Variants in FMN2 observed in about 807,000 individuals in gnomAD.
FMN2 encodes formin-2.
In FMN2, 51 loss-of-function variants were observed where a neutral mutation model predicts 142.3. That is an observed-to-expected ratio of 0.36 (90% CI 0.29 to 0.45). The LOEUF (loss-of-function observed/expected upper bound fraction) is 0.45, where lower values mean the gene tolerates loss of function less well. FMN2 is among the 20% of genes least tolerant of loss of function. The pLI, the probability that FMN2 is intolerant of heterozygous loss-of-function variation, is 1.00. For missense variants in FMN2, 1,936 were observed against 2,122.8 expected (o/e 0.91, Z 1.73); for synonymous variants, 882 against 869.8 (o/e 1.01, Z -0.25).
chr1:240,317,942 G>A (rs1670847626), intron 8 of FMN2, among the ~76,000 whole-genome samples: 1 of 152,170 alleles, frequency 6.6e-6, no homozygotes, highest in Admixed American at 6.5e-5. Flanking sequence ...CAATAGATTT[G>A]TAGTGATAGT....
chr1:240,092,223 G>A lies in FMN2; in HGVS notation c.114G>A (p.Gly38=). The A allele has an allele frequency of 6.3e-7, 1 of 1,581,628 alleles. No individual in the cohort carries two copies. Among genetic ancestry groups the A allele is most frequent in the Non-Finnish European group, 8.6e-7 (1 of 1,164,488 alleles). Residue 38 remains glycine, a synonymous_variant, in exon 1 of 18, where the codon GGG becomes GGA. Coordinates refer to ENST00000319653, the MANE Select transcript of FMN2 (RefSeq NM_020066.5). ...GGGATGTGGAAGCCACAAAGAAGGGGAGCGGGGGCAAGAAGGCGCTAGGCA... is the reference window on the plus strand; with the variant it reads ...GGGATGTGGAAGCCACAAAGAAGGGAAGCGGGGGCAAGAAGGCGCTAGGCA... ...GPRDVEATKK[G]SGGKKALGKH... is the part of the protein sequence containing the mutation.
intron 16 of FMN2, among the ~76,000 whole-genome samples, chr1:240,466,247 C>T (rs1676617011): frequency 6.6e-6 from 1 of 152,118 alleles, no homozygotes; most frequent in African/African-American, 2.4e-5. Context: ...GTCTAATTTT[C>T]CTAGACTCAA....
Position 240,112,434 on chromosome 1 carries a change from C to T in FMN2, c.1616-10745C>T, listed in dbSNP as rs554444473. On this transcript the variant is annotated intron_variant, in intron 1 of 17. Coordinates refer to ENST00000319653, the MANE Select transcript of FMN2 (RefSeq NM_020066.5). The stretch of plus-strand genomic sequence containing the variant: ...CGTGAGCCACTGCATCTGGACAGGC[C>T]TGCATTTTCTAGTTCAGAAAATGAT... Among the ~76,000 whole-genome samples, 12 of 152,174 alleles carry T rather than the reference C, an allele frequency of 7.9e-5. No homozygotes were observed. In the South Asian group the frequency reaches 2.5e-3, roughly 32 times the overall value.
chr1:240,227,252 A>AGTGCAGGAT lies in FMN2; in HGVS notation c.4065+16017_4065+16018insGTGCAGGAT, dbSNP rs575778776. Among the ~76,000 whole-genome samples, 410 of 152,306 alleles carry AGTGCAGGAT rather than the reference A, an allele frequency of 2.7e-3. 2 individuals are homozygous for AGTGCAGGAT. The South Asian group carries it at 0.027, about 10-fold the overall frequency. On this transcript the variant is annotated intron_variant, in intron 6 of 17. Coordinates refer to ENST00000319653, the MANE Select transcript of FMN2 (RefSeq NM_020066.5). ...ACTGAAGTATGGATTTTAAAAAAGAATTTTACACTGAATCTAGAAAGCATT... is the reference window on the plus strand; with the variant it reads ...ACTGAAGTATGGATTTTAAAAAAGAAGTGCAGGATTTTTACACTGAATCTAGAAAGCATT...
At chr1:240,182,699 G>A (rs1024490524) in intron 3 of FMN2, among the ~76,000 whole-genome samples, 3 of 152,238 alleles carry the variant, frequency 2.0e-5, no homozygotes, top group African/African-American at 7.2e-5. Flanking sequence ...CAAGTGAAAT[G>A]TATCTCATAA....
intron 6 of FMN2, among the ~76,000 whole-genome samples, chr1:240,215,062 C>T (rs1666842117): frequency 6.6e-6 from 1 of 151,778 alleles, no homozygotes; most frequent in Non-Finnish European, 1.5e-5. Context: ...TTAAGACCCT[C>T]TCTCAGGGAA....
intron 2 of FMN2, among the ~76,000 whole-genome samples, chr1:240,154,997 C>A (rs183129245): frequency 3.3e-5 from 5 of 151,448 alleles, no homozygotes; most frequent in Non-Finnish European, 5.9e-5. Context: ...AGCAATCCCC[C>A]CCCCGACCTT....
chr1:240,274,924 C>A (rs1289845097), intron 7 of FMN2, among the ~76,000 whole-genome samples: 1 of 152,018 alleles, frequency 6.6e-6, no homozygotes, highest in Admixed American at 6.5e-5. Context: ...ATCAGCAATT[C>A]CAGGTCAGAC....
intron 14 of FMN2, among the ~76,000 whole-genome samples, chr1:240,356,478 A>G (rs887562505): frequency 1.3e-5 from 2 of 152,164 alleles, no homozygotes; most frequent in African/African-American, 4.8e-5. Flanking sequence ...CTGCATTTCT[A>G]GGAGATAGGC....
At chr1:240,214,326 C>T (rs1163275966) in intron 6 of FMN2, among the ~76,000 whole-genome samples, 14 of 151,450 alleles carry the variant, frequency 9.2e-5, no homozygotes, top group Admixed American at 2.0e-4. Context: ...CCGAGGCGGG[C>T]GGATCACGAG....
intron 2 of FMN2, among the ~76,000 whole-genome samples, chr1:240,126,963 T>G (rs945934109): frequency 1.3e-5 from 2 of 152,022 alleles, no homozygotes; most frequent in Non-Finnish European, 2.9e-5. Context: ...AGATGAGGTC[T>G]GTGGGAAGGC....
chr1:240,406,828 A>G (rs1456675702), intron 15 of FMN2, among the ~76,000 whole-genome samples: 1 of 152,184 alleles, frequency 6.6e-6, no homozygotes, highest in African/African-American at 2.4e-5. Flanking sequence ...TAAGGAAGGA[A>G]AATGGAACAT....
chr1:240,278,656 T>A (rs754250559), intron 7 of FMN2, among the ~76,000 whole-genome samples: 8 of 152,332 alleles, frequency 5.3e-5, no homozygotes, highest in Middle Eastern at 6.8e-3. Flanking sequence ...GATTAACTTT[T>A]AAGGGCTTTA....
chr1:240,220,879 C>A (rs970126041), intron 6 of FMN2, among the ~76,000 whole-genome samples: 2 of 152,076 alleles, frequency 1.3e-5, no homozygotes, highest in Non-Finnish European at 2.9e-5. Flanking sequence ...CCCCCCACCC[C>A]ACGACAGGCC....
At chr1:240,159,905 GTA>G (rs34012500) in intron 2 of FMN2, among the ~76,000 whole-genome samples, 25,386 of 119,626 alleles carry the variant, frequency 0.21, 2,654 homozygotes, top group East Asian at 0.33. Flanking sequence ...ATATATCTGT[GTA>G]TATATATATA....
At chr1:240,412,067 A>G (rs1674415212) in intron 15 of FMN2, among the ~76,000 whole-genome samples, 1 of 152,152 alleles carries the variant, frequency 6.6e-6, no homozygotes, top group African/African-American at 2.4e-5. Context: ...CATGAGAAAT[A>G]CCATATTTGA....
intron 2 of FMN2, among the ~76,000 whole-genome samples, chr1:240,173,207 A>G (rs1365624991): frequency 1.3e-5 from 2 of 152,154 alleles, no homozygotes; most frequent in African/African-American, 4.8e-5. Context: ...AAGTGCTGGG[A>G]TTACAGGTGT....
At chr1:240,343,450 C>T (rs1671806620) in intron 13 of FMN2, among the ~76,000 whole-genome samples, 1 of 152,174 alleles carries the variant, frequency 6.6e-6, no homozygotes, top group South Asian at 2.1e-4. Flanking sequence ...CAAACACCGC[C>T]TCCTTTTGGG....
At chr1:240,290,401 A>G (rs1669740131) in intron 7 of FMN2, among the ~76,000 whole-genome samples, 1 of 152,176 alleles carries the variant, frequency 6.6e-6, no homozygotes. Context: ...ATTAACTTTT[A>G]ACTATTGAAC....
Sources: gnomAD v4.1 joint callset for allele counts (sites outside exome capture counted in the v4.1 genomes callset) on GRCh38, gnomAD v4.1.1 for gene constraint, MANE v1.5 for transcripts, NCBI Gene and HGNC (gene_info 2026-07-23, HGNC 2026-07-21) for gene names.